CEP104: variants seen among roughly 807,000 people sequenced by gnomAD.
CEP104 encodes centrosomal protein 104, also known as centrosomal protein of 104 kDa.
In CEP104, 84 loss-of-function variants were observed where a neutral mutation model predicts 113.3. The ratio of observed to expected loss-of-function variants is 0.74; its 90% CI spans 0.62 to 0.89. The LOEUF is 0.89. Ranked by LOEUF, CEP104 falls within the 40% of genes least tolerant of loss-of-function variation. CEP104 has a pLI of 0.00. For missense variants in CEP104, 1,053 were observed against 1,156.6 expected (o/e 0.91, Z 1.30); for synonymous variants, 378 against 421.7 (o/e 0.90, Z 1.27).
intron 20 of CEP104, chr1:3,822,947 A>G (rs907613271): frequency 5.5e-6 from 3 of 541,362 alleles, no homozygotes; most frequent in Non-Finnish European, 9.9e-6. Context: ...CAGTGAGTTG[A>G]GGCTCCTCGA....
chr1:3,827,538 C>T (rs1342178906), intron 15 of CEP104, among the ~76,000 whole-genome samples: 2 of 152,158 alleles, frequency 1.3e-5, no homozygotes, highest in African/African-American at 2.4e-5. Context: ...GATTTTAGAA[C>T]CAGAAAAGGA....
intron 1 of CEP104, among the ~76,000 whole-genome samples, chr1:3,856,313 C>T (rs1024665208): frequency 6.6e-6 from 1 of 152,242 alleles, no homozygotes; most frequent in African/African-American, 2.4e-5. Flanking sequence ...ACCCGGGAGG[C>T]GGAGGCTGCA....
Position 3,815,277 on chromosome 1 carries a change from C to A in CEP104, c.*125G>T. 2.9e-6 allele frequency: 2 copies of A among 700,340 alleles called. No homozygotes were observed. The highest frequency in any genetic ancestry group is 3.3e-5 in the South Asian group (2 of 60,100). 43.4% of individuals were successfully genotyped at this position (700,340 alleles called of 1,614,324 possible). The stretch of plus-strand genomic sequence containing the variant: ...GGCACAGACGCGTAAGAGGCGTGCA[C>A]GGCGGGGAGCTGGGGACAGCAGCCA... On this transcript the variant is annotated 3_prime_UTR_variant, in exon 22 of 22. Coordinates refer to ENST00000378230, the MANE Select transcript of CEP104 (RefSeq NM_014704.4).
At chr1:3,846,638 G>A (rs1644512970) in intron 4 of CEP104, among the ~76,000 whole-genome samples, 1 of 152,212 alleles carries the variant, frequency 6.6e-6, no homozygotes, top group African/African-American at 2.4e-5. Flanking sequence ...GGTGGGTGGA[G>A]GAAGGAACAG....
chr1:3,842,451 T>C (rs1644430500), intron 6 of CEP104, among the ~76,000 whole-genome samples: 1 of 152,228 alleles, frequency 6.6e-6, no homozygotes, highest in African/African-American at 2.4e-5. Flanking sequence ...CACAAGTGCC[T>C]GTGACAGCTC....
chr1:3,831,443 T>C (rs1282815533), intron 12 of CEP104, among the ~76,000 whole-genome samples: 2 of 152,240 alleles, frequency 1.3e-5, no homozygotes, highest in Non-Finnish European at 2.9e-5. Flanking sequence ...AATAAAATCA[T>C]GAAGAATAAA....
intron 20 of CEP104, among the ~76,000 whole-genome samples, chr1:3,820,723 G>C (rs1464209329): frequency 1.3e-5 from 2 of 152,212 alleles, no homozygotes; most frequent in Non-Finnish European, 2.9e-5. Context: ...GGGCCACTGG[G>C]ACCCCCGTCA....
intron 13 of CEP104, among the ~76,000 whole-genome samples, chr1:3,830,530 T>C (rs1644183020): frequency 6.6e-6 from 1 of 151,978 alleles, no homozygotes; most frequent in Non-Finnish European, 1.5e-5. Context: ...TCCCAGCACT[T>C]TGGGAGGCTG....
intron 6 of CEP104, among the ~76,000 whole-genome samples, chr1:3,842,902 C>T (rs1447217824): frequency 6.6e-6 from 1 of 152,082 alleles, no homozygotes; most frequent in East Asian, 1.9e-4. Flanking sequence ...ATTCTCCTGC[C>T]TCAGCCTCCC....
At chr1:3,838,722 G>A (rs981872290) in intron 8 of CEP104, among the ~76,000 whole-genome samples, 1 of 152,190 alleles carries the variant, frequency 6.6e-6, no homozygotes, top group Non-Finnish European at 1.5e-5. Context: ...AAGCAGCAGG[G>A]CCTCGGTTTT....
intron 20 of CEP104, 167 bp from the exon 21 acceptor site, chr1:3,816,537 T>C (rs535421845): frequency 3.4e-6 from 2 of 592,742 alleles, no homozygotes; most frequent in East Asian, 2.8e-5. Flanking sequence ...GGATATGTTA[T>C]GATAGCCTCT....
At chr1:3,822,773 G>A (rs1644004235) in intron 20 of CEP104, 1 of 169,214 alleles carries the variant, frequency 5.9e-6, no homozygotes, top group African/African-American at 2.4e-5. Context: ...GTAGGAAAGA[G>A]AATCGTTTAA....
In CEP104 at chr1:3,848,985, G is replaced by A. The variant is rs4648346; in HGVS notation, c.114-204C>T. On this transcript the variant is annotated intron_variant, in intron 2 of 21. Transcript: ENST00000378230. ...CTTGTTGGAGCTGAAGCTGGGAATTGAAATTTGACTTGATCTGCCTGTAAC... is the reference window on the plus strand; with the variant it reads ...CTTGTTGGAGCTGAAGCTGGGAATTAAAATTTGACTTGATCTGCCTGTAAC... 0.9 allele frequency among the ~76,000 whole-genome samples: 137,073 copies of A among 152,158 alleles called. 62,409 individuals are homozygous for A. Among genetic ancestry groups the A allele is most frequent in the Middle Eastern group, 0.97 (286 of 294 alleles).
intron 5 of CEP104, 49 bp downstream of exon 5, chr1:3,845,240 C>T (rs1644485934): frequency 5.6e-6 from 7 of 1,250,472 alleles, no homozygotes; most frequent in Non-Finnish European, 8.0e-6. Flanking sequence ...GACTCCCTCC[C>T]ATTATAAATA....
At chr1:3,839,891 G>C (rs1441579998) in intron 6 of CEP104, 115 bp from the exon 7 acceptor site, 12 of 802,470 alleles carry the variant, frequency 1.5e-5, no homozygotes, top group Admixed American at 1.3e-4. Flanking sequence ...GGTTCACAGA[G>C]CATTTCCTGC....
chr1:3,826,529 C>T (rs914187199), intron 16 of CEP104, 93 bp from the exon 17 acceptor site: 1 of 1,350,406 alleles, frequency 7.4e-7, no homozygotes, highest in African/African-American at 1.5e-5. Context: ...AACGATTATA[C>T]AAGTAAAAAG....
chr1:3,831,009 T>C lies in CEP104; in HGVS notation c.1836+37A>G, dbSNP rs140070021. 1.1e-3 allele frequency: 1,779 copies of C among 1,594,624 alleles called. 16 individuals are homozygous for C. In the African/African-American group the frequency reaches 0.021, roughly 19 times the overall value. ...ACGCTCCAGGCACTGTGGTGAGTGC[T>C]GGGCCGCGTGGTGTGTCACACGCGA... On this transcript the variant is annotated intron_variant, in intron 13 of 21. Transcript: ENST00000378230.
rs1308791601 is a variant in CEP104, at chr1:3,819,043, C to CA, written c.2572-2674dup. On this transcript the variant is annotated intron_variant, in intron 20 of 21. Transcript: ENST00000378230. This position sits in a 1 kb window ranked among gnomAD's most constrained non-coding sequence, Gnocchi z 4.6. The stretch of plus-strand genomic sequence containing the variant: ...TTCTTCTGAGCAGTGTGGAGGGTGT[C>CA]AAACTTCACTGTTTATCCCCCTTCA... Among the ~76,000 whole-genome samples the CA allele has an allele frequency of 1.3e-5, 2 of 152,196 alleles. No homozygotes were observed. Among genetic ancestry groups the CA allele is most frequent in the Non-Finnish European group, 2.9e-5 (2 of 68,050 alleles).
chr1:3,852,211 G>A (rs1316005294), intron 2 of CEP104, 84 bp downstream of exon 2: 3 of 1,310,286 alleles, frequency 2.3e-6, no homozygotes, highest in South Asian at 1.5e-5. Flanking sequence ...AAAATCTGAG[G>A]CTCTGAATGA....
Sources: gnomAD v4.1 joint callset for allele counts (sites outside exome capture counted in the v4.1 genomes callset) on GRCh38, gnomAD v4.1.1 for gene constraint, Gnocchi (gnomAD v3.1) non-coding constraint, MANE v1.5 for transcripts, NCBI Gene and HGNC (gene_info 2026-07-23, HGNC 2026-07-21) for gene names.